The following MBD1 variants were observed in gnomAD, a reference collection of about 807,000 sequenced individuals.
MBD1 encodes the protein methyl-CpG binding domain protein 1, also known as methyl-CpG-binding domain protein 1.
A neutral mutation model predicts 82.6 loss-of-function variants in MBD1; 25 were observed. The observed-to-expected ratio is 0.30, with a 90% confidence interval of 0.22 to 0.42. The LOEUF (loss-of-function observed/expected upper bound fraction) is 0.42. MBD1 is among the 10% of genes least tolerant of loss of function. The pLI is 1.00. For missense variants in MBD1, 627 were observed against 819.6 expected, an observed-to-expected ratio of 0.76 and a Z score of 2.87; for synonymous variants, 301 against 303.7, an observed-to-expected ratio of 0.99 and a Z score of 0.09.
At chr18:50,270,643 T>A in intron 16 of MBD1, 1 of 276,716 alleles carries the variant, frequency 3.6e-6, no homozygotes, top group South Asian at 4.0e-5. Context: ...GTTTGAGGAA[T>A]CCTATGCAGC....
At chr18:50,277,061 C>A in intron 3 of MBD1, 29 bp downstream of exon 3, 1 of 1,613,232 alleles carries the variant, frequency 6.2e-7, no homozygotes, top group South Asian at 1.1e-5. Context: ...ACATCCACCC[C>A]TACCTAGGTA....
chr18:50,273,810 G>A lies in MBD1; in HGVS notation c.1200C>T (p.Pro400=), dbSNP rs761662700. The A allele has an allele frequency of 2.9e-5, 46 of 1,613,598 alleles. No individual in the cohort carries two copies. Among genetic ancestry groups the A allele is most frequent in the Non-Finnish European group, 3.7e-5 (44 of 1,180,042 alleles). ...WSESEDGAGS[P]PPYRRRKRPS... is the part of the protein sequence containing the mutation. ...GCCTCTTTCGACGACGGTAAGGTGG[G>A]GGCGATCCTGCCCCATCCTCAGACT... The change falls in exon 12 of 17, where the codon CCC becomes CCT. Residue 400 remains proline (P), a synonymous_variant. Coordinates refer to ENST00000269468, the MANE Select transcript of MBD1 (RefSeq NM_015846.4).
At position 50,276,944 on chromosome 18, in the gene MBD1, T is replaced by C; in HGVS notation, c.280A>G (p.Lys94Glu). 6.2e-7 allele frequency: 1 copy of C among 1,614,238 alleles called. No individual in the cohort carries two copies. Among genetic ancestry groups the C allele is most frequent in the Non-Finnish European group, 8.5e-7 (1 of 1,180,040 alleles). Reference protein sequence around the residue: ...KKRKKPSRPAKTRKRQVGPQS... With the variant: ...KKRKKPSRPAETRKRQVGPQS... Reference sequence around the variant, plus strand: ...GGTCCAACCTGACGTTTCCGAGTCTTGGCTGGCCTTGAAGGCTTCTTTCGC... The same window carrying C: ...GGTCCAACCTGACGTTTCCGAGTCTCGGCTGGCCTTGAAGGCTTCTTTCGC... Residue 94 changes from lysine to glutamate, a missense_variant, in exon 4 of 17, where the codon AAG becomes GAG. Lys to Glu is a moderately conservative substitution (Grantham distance 56). Coordinates refer to ENST00000269468, the MANE Select transcript of MBD1 (RefSeq NM_015846.4).
At chr18:50,279,235 C>T (rs1425714693) in intron 2 of MBD1, among the ~76,000 whole-genome samples, 1 of 152,200 alleles carries the variant, frequency 6.6e-6, no homozygotes, top group Non-Finnish European at 1.5e-5. Flanking sequence ...ATTTCATGAA[C>T]CCACCAATGT....
chr18:50,268,077 T>C (rs182531001), downstream of MBD1, among the ~76,000 whole-genome samples: 570 of 152,364 alleles, frequency 3.7e-3, 4 homozygotes, highest in African/African-American at 0.012. Flanking sequence ...ACAAATTAGG[T>C]GGTCGTCTCG....
chr18:50,270,392 T>C (rs538466135), intron 16 of MBD1: 7 of 519,922 alleles, frequency 1.3e-5, no homozygotes, highest in African/African-American at 1.3e-4. Flanking sequence ...GAGAGTGAGG[T>C]AGGGCTGAGC....
At chr18:50,281,057 C>T in intron 1 of MBD1, 1 of 1,119,886 alleles carries the variant, frequency 8.9e-7, no homozygotes, top group Non-Finnish European at 1.3e-6. Flanking sequence ...TCTCAGAGTT[C>T]TGAACCCCCA....
At chr18:50,270,307 A>G in intron 16 of MBD1, 1 of 772,204 alleles carries the variant, frequency 1.3e-6, no homozygotes, top group East Asian at 2.5e-5. Context: ...GCACTCACTC[A>G]GTCCTGGCCC....
intron 2 of MBD1, among the ~76,000 whole-genome samples, chr18:50,277,505 TTATATTTGTGTTA>T (rs991932131): frequency 6.6e-6 from 1 of 151,816 alleles, no homozygotes; most frequent in Non-Finnish European, 1.5e-5. Context: ...CACAAATATA[TTATATTTGTGTTA>T]TATATATATA....
chr18:50,276,187 A>G, intron 6 of MBD1, 191 bp downstream of exon 6: 2 of 817,880 alleles, frequency 2.4e-6, no homozygotes. Context: ...CACTGTGTCT[A>G]CTGATGCACT....
chr18:50,271,717 T>C (rs1032659223), intron 15 of MBD1, among the ~76,000 whole-genome samples, 177 bp from the exon 16 acceptor site: 1 of 152,208 alleles, frequency 6.6e-6, no homozygotes, highest in Non-Finnish European at 1.5e-5. Flanking sequence ...ATAGTCAGAT[T>C]ATAAGCTCCC....
rs1352560215 is a variant in MBD1 at position 50,268,893 on chromosome 18, TAGAG to T, written c.*954_*957del. 3 of 982,918 alleles carry T rather than the reference TAGAG, an allele frequency of 3.1e-6. No homozygotes were observed. Among genetic ancestry groups the T allele is most frequent in the Non-Finnish European group, 3.6e-6 (3 of 827,758 alleles). The allele number at this position is 982,918 out of a possible 1,614,324, so 60.9% of individuals were successfully genotyped here. A position where few individuals can be genotyped will look rare whatever the true frequency, so the allele number is the denominator to read the frequency against. The stretch of plus-strand genomic sequence containing the variant: ...AAAATAATTTTAAAATAGAACAGCT[TAGAG>T]ATAGAAACTAAATTATTTCCAATTC... On this transcript the variant is annotated 3_prime_UTR_variant, in exon 17 of 17. Coordinates refer to ENST00000269468, the MANE Select transcript of MBD1 (RefSeq NM_015846.4).
chr18:50,272,757 C>T lies in MBD1; in HGVS notation c.1717-19G>A, dbSNP rs1280287704. The T allele has an allele frequency of 6.2e-7, 1 of 1,614,080 alleles. No individual in the cohort carries two copies. The highest frequency in any genetic ancestry group is 8.5e-7 in the Non-Finnish European group (1 of 1,180,048). ...CCGTGATCTAGAGAAGAATTAACAC[C>T]ATAGGTCAATGTGGTTGTTGGGGCT... On this transcript the variant is annotated intron_variant, in intron 14 of 16. Transcript: ENST00000269468.
intron 16 of MBD1, 72 bp from the exon 17 acceptor site, chr18:50,269,890 TGC>T (rs1463515374): frequency 7.9e-6 from 8 of 1,010,592 alleles, no homozygotes. Flanking sequence ...CACAATGGCA[TGC>T]GGTCAGATCC....
chr18:50,281,177 G>C, intron 1 of MBD1, 186 bp downstream of exon 1: 1 of 1,534,128 alleles, frequency 6.5e-7, no homozygotes, highest in South Asian at 1.2e-5. Context: ...TCAGAGTTCA[G>C]AGCTGCATTC....
At chr18:50,270,520 G>A (rs1373067449) in intron 16 of MBD1, 1 of 347,156 alleles carries the variant, frequency 2.9e-6, no homozygotes, top group Non-Finnish European at 5.7e-6. Flanking sequence ...ACGTTGTCAG[G>A]AAAGATGAGC....
In MBD1 at chr18:50,269,406, C is replaced by G. The variant is rs2034543753; in HGVS notation, c.*445G>C. On this transcript the variant is annotated 3_prime_UTR_variant, in exon 17 of 17. Transcript: ENST00000269468. Reference sequence around the variant, plus strand: ...AAGATGGGCCACAAGAGACATTTTGCTTGATAACCGGAGGGCGGAAGTGAA... The same window carrying G: ...AAGATGGGCCACAAGAGACATTTTGGTTGATAACCGGAGGGCGGAAGTGAA... 1.8e-6 allele frequency: 2 copies of G among 1,082,814 alleles called. No homozygotes were observed. The highest frequency in any genetic ancestry group is 2.6e-6 in the Non-Finnish European group (2 of 780,044). The allele number at this position is 1,082,814 out of a possible 1,614,324, so 67.1% of individuals were successfully genotyped here. A position where few individuals can be genotyped will look rare whatever the true frequency, so the allele number is the denominator to read the frequency against.
chr18:50,279,192 A>G (rs954434539), intron 2 of MBD1, among the ~76,000 whole-genome samples: 7 of 152,218 alleles, frequency 4.6e-5, no homozygotes, highest in African/African-American at 1.7e-4. Flanking sequence ...GGCTTTCCTC[A>G]ACAATGCTGT....
chr18:50,281,252 C>T (rs1456833413), intron 1 of MBD1, 111 bp downstream of exon 1: 1 of 1,531,894 alleles, frequency 6.5e-7, no homozygotes, highest in African/African-American at 1.4e-5. Flanking sequence ...GCCATTCCTC[C>T]CCCTTATCGG....
Sources: allele counts gnomAD v4.1 joint callset (sites outside exome capture counted in the v4.1 genomes callset), GRCh38; gene constraint gnomAD v4.1.1; transcripts MANE v1.5; gene names NCBI Gene and HGNC (gene_info 2026-07-23, HGNC 2026-07-21).